NCAPG2: variants seen among roughly 807,000 people sequenced by gnomAD.
NCAPG2 encodes non-SMC condensin II complex subunit G2.
A neutral mutation model predicts 141.1 loss-of-function variants in NCAPG2; 53 were observed. That is an observed-to-expected ratio of 0.38 (90% confidence interval 0.30 to 0.47). The LOEUF (loss-of-function observed/expected upper bound fraction) is 0.47, where lower values mean the gene tolerates loss of function less well. NCAPG2 is among the 20% of genes least tolerant of loss of function. NCAPG2 has a pLI of 0.99. For synonymous variants in NCAPG2, 499 were observed against 490.7 expected (o/e 1.02, Z -0.22); for missense variants, 1,087 against 1,389.0 (o/e 0.78, Z 3.46).
intron 22 of NCAPG2, 76 bp from the exon 23 acceptor site, chr7:158,652,556 C>G: frequency 2.6e-6 from 3 of 1,173,464 alleles, no homozygotes; most frequent in Non-Finnish European, 3.6e-6. Context: ...TCTCACTTAA[C>G]ACATGTATAA....
intron 23 of NCAPG2, 59 bp from the exon 24 acceptor site, chr7:158,651,031 A>C (rs1367818018): frequency 1.3e-6 from 2 of 1,485,702 alleles, no homozygotes; most frequent in East Asian, 4.9e-5. Context: ...TGAAAAAAAC[A>C]AAAAAACACT....
intron 14 of NCAPG2, 89 bp from the exon 15 acceptor site, chr7:158,664,385 C>T (rs1832758385): frequency 4.0e-6 from 6 of 1,511,048 alleles, no homozygotes; most frequent in African/African-American, 1.4e-5. Flanking sequence ...CCCAATTAGT[C>T]AAAAGTACTA....
At chr7:158,680,674 C>A in intron 10 of NCAPG2, 47 bp downstream of exon 10, 1 of 1,254,186 alleles carries the variant, frequency 8.0e-7, no homozygotes, top group Non-Finnish European at 1.1e-6. Context: ...AATTCAAAAG[C>A]ACAAGTAGTA....
Position 158,644,978 on chromosome 7 carries a change from G to A in NCAPG2, c.3280+541C>T, listed in dbSNP as rs558214495. ...TAAAACTGAGCAAATAATACAGAAAGGTAAAGGCAGTCACCCTGCAGGGAT... is the reference window on the plus strand; with the variant it reads ...TAAAACTGAGCAAATAATACAGAAAAGTAAAGGCAGTCACCCTGCAGGGAT... On this transcript the variant is annotated intron_variant, in intron 26 of 27. Transcript: ENST00000356309. Among the ~76,000 whole-genome samples, 4 of 152,236 alleles carry A rather than the reference G, an allele frequency of 2.6e-5. No homozygotes were observed. The South Asian group carries it at 6.2e-4, about 24-fold the overall frequency.
At chr7:158,665,621 C>T (rs1460340055) in intron 13 of NCAPG2, among the ~76,000 whole-genome samples, 1 of 152,074 alleles carries the variant, frequency 6.6e-6, no homozygotes, top group Non-Finnish European at 1.5e-5. Context: ...GAACAAAAAC[C>T]CACACACAAA....
At chr7:158,636,987 A>T (rs189293145) in intron 27 of NCAPG2, among the ~76,000 whole-genome samples, 6 of 150,974 alleles carry the variant, frequency 4.0e-5, no homozygotes, top group African/African-American at 1.2e-4. Flanking sequence ...CTGCTCTGTC[A>T]CCCAGGCTGG....
In NCAPG2 at chr7:158,687,544, C is replaced by T; in HGVS notation, c.673-102G>A. On this transcript the variant is annotated intron_variant, in intron 6 of 27. Coordinates refer to ENST00000356309, the MANE Select transcript of NCAPG2 (RefSeq NM_017760.7). ...TCTAGTAAGCTAAACATTGCTATTG[C>T]TAAAAACGAGGCACATGTAATTATC... 3 of 818,874 alleles carry T rather than the reference C, an allele frequency of 3.7e-6. No individual in the cohort carries two copies. In the South Asian group the frequency reaches 5.3e-5, roughly 14 times the overall value. The allele number at this position is 818,874 out of a possible 1,614,324, so 50.7% of individuals were successfully genotyped here. A position where few individuals can be genotyped will look rare whatever the true frequency, so the allele number is the denominator to read the frequency against.
At chr7:158,673,554 G>A (rs983397338) in intron 12 of NCAPG2, among the ~76,000 whole-genome samples, 16 of 152,222 alleles carry the variant, frequency 1.1e-4, no homozygotes, top group Non-Finnish European at 7.3e-5. Flanking sequence ...GCTGTGTCAC[G>A]GCTTAATGTC....
chr7:158,694,661 G>C, intron 2 of NCAPG2, among the ~76,000 whole-genome samples: 2 of 152,022 alleles, frequency 1.3e-5, no homozygotes. Context: ...CAAAACTGTC[G>C]GGGTCATAAA....
intron 24 of NCAPG2, among the ~76,000 whole-genome samples, chr7:158,647,069 G>A (rs1219909318): frequency 1.3e-5 from 2 of 151,758 alleles, no homozygotes; most frequent in African/African-American, 4.8e-5. Flanking sequence ...TGTTTATTCA[G>A]TGAGACAAAA....
chr7:158,701,987 C>T (rs1835829104), intron 1 of NCAPG2, 49 bp from the exon 2 acceptor site: 1 of 1,171,122 alleles, frequency 8.5e-7, no homozygotes, highest in Non-Finnish European at 1.2e-6. Flanking sequence ...ATATCTTTTC[C>T]TGTAAGATTT....
chr7:158,636,374 CT>C (rs1195879109), intron 27 of NCAPG2, among the ~76,000 whole-genome samples: 20 of 151,446 alleles, frequency 1.3e-4, no homozygotes, highest in African/African-American at 4.4e-4. Context: ...CCAAATAAGC[CT>C]TCCTTGGCAA....
intron 11 of NCAPG2, among the ~76,000 whole-genome samples, chr7:158,678,661 C>A (rs1834251573): frequency 1.4e-5 from 2 of 147,776 alleles, no homozygotes; most frequent in East Asian, 2.0e-4. Context: ...GGACTCCAGG[C>A]TGGGAGACAG....
chr7:158,649,157 TAG>T, intron 24 of NCAPG2, among the ~76,000 whole-genome samples: 1 of 152,066 alleles, frequency 6.6e-6, no homozygotes, highest in Non-Finnish European at 1.5e-5. Context: ...TCCACAATAA[TAG>T]GAGTCAATTC....
chr7:158,696,500 G>A (rs944514970), intron 2 of NCAPG2: 3 of 151,812 alleles, frequency 2.0e-5, no homozygotes, highest in African/African-American at 7.3e-5. Flanking sequence ...AGAAAAATAC[G>A]AACTGAAATG....
chr7:158,673,050 C>A (rs1307333430), intron 12 of NCAPG2, among the ~76,000 whole-genome samples: 1 of 152,166 alleles, frequency 6.6e-6, no homozygotes, highest in African/African-American at 2.4e-5. Context: ...AAGGTCAGGA[C>A]CAAGAGAAGA....
At chr7:158,672,086 G>A (rs189957948) in intron 12 of NCAPG2, among the ~76,000 whole-genome samples, 10 of 151,952 alleles carry the variant, frequency 6.6e-5, no homozygotes, top group Admixed American at 2.0e-4. Flanking sequence ...CAGAGCCAGC[G>A]TGTGTGACTC....
chr7:158,656,848 G>T, intron 17 of NCAPG2, 143 bp from the exon 18 acceptor site: 1 of 998,188 alleles, frequency 1.0e-6, no homozygotes, highest in Non-Finnish European at 1.4e-6. Context: ...GCTCTCCAAT[G>T]CAGGAATAAA....
intron 12 of NCAPG2, among the ~76,000 whole-genome samples, chr7:158,674,561 A>G (rs1045659309): frequency 5.9e-5 from 9 of 152,212 alleles, no homozygotes; most frequent in African/African-American, 2.2e-4. Context: ...AAGTGCTGGG[A>G]TTACAGGTGT....
Sources: gnomAD v4.1 joint callset for allele counts (sites outside exome capture counted in the v4.1 genomes callset) on GRCh38, gnomAD v4.1.1 for gene constraint, MANE v1.5 for transcripts, NCBI Gene and HGNC (gene_info 2026-07-23, HGNC 2026-07-21) for gene names.